Variants in PDE4D observed in about 807,000 individuals in gnomAD.
PDE4D encodes the protein phosphodiesterase 4D.
A neutral mutation model predicts 87.4 loss-of-function variants in PDE4D; 24 were observed. The observed-to-expected ratio is 0.27, with a 90% confidence interval of 0.20 to 0.39. The LOEUF is 0.39. Ranked by LOEUF, PDE4D falls within the 10% of genes least tolerant of loss-of-function variation. The pLI is 1.00. For missense variants in PDE4D, 714 were observed against 1,041.0 expected (o/e 0.69, Z 4.32); for synonymous variants, 384 against 383.2 (o/e 1.00, Z -0.02).
chr5:59,649,904 C>CTTGTTTTTTTTTTTTTTTTTTTTTTTTTT (rs1561402852), intron 1 of PDE4D, among the ~76,000 whole-genome samples: 3 of 73,958 alleles, frequency 4.1e-5, no homozygotes, highest in African/African-American at 1.6e-4. Context: ...AGTTTGTGAA[C>CTTGTTTTTTTTTTTTTTTTTTTTTTTTTT]CTTTTTTTTT....
At chr5:60,486,894 C>T (rs947611234) in intron 1 of PDE4D, among the ~76,000 whole-genome samples, 2 of 152,084 alleles carry the variant, frequency 1.3e-5, no homozygotes, top group African/African-American at 2.4e-5. Context: ...AATGACCTAC[C>T]TTTGTGCTGT....
intron 1 of PDE4D, among the ~76,000 whole-genome samples, chr5:59,536,498 CA>C (rs1815272464): frequency 1.3e-5 from 1 of 75,802 alleles, no homozygotes; most frequent in Admixed American, 2.2e-4. Flanking sequence ...GAGCAAGACT[CA>C]GCCTCAAAAA....
chr5:58,994,923 C>T (rs1490911173), intron 6 of PDE4D, among the ~76,000 whole-genome samples: 8 of 118,920 alleles, frequency 6.7e-5, no homozygotes, highest in African/African-American at 2.6e-4. Context: ...CTCCCCCCAC[C>T]CCACAACAAG....
intron 5 of PDE4D, among the ~76,000 whole-genome samples, chr5:59,043,658 A>T (rs1760094688): frequency 6.6e-6 from 1 of 152,076 alleles, no homozygotes; most frequent in East Asian, 1.9e-4. Flanking sequence ...TGCACCCATT[A>T]ACTCCTCATT....
At chr5:59,275,666 T>A in intron 1 of PDE4D, 1 of 1,172,126 alleles carries the variant, frequency 8.5e-7, no homozygotes, top group South Asian at 3.4e-5. Flanking sequence ...TGTCTTGCAA[T>A]GCCAAGGGAG....
At chr5:59,909,047 A>G (rs1753155767) in intron 3 of PDE4D, among the ~76,000 whole-genome samples, 1 of 152,244 alleles carries the variant, frequency 6.6e-6, no homozygotes, top group African/African-American at 2.4e-5. Flanking sequence ...ATTAACAAAA[A>G]TATCAAATAT....
intron 1 of PDE4D, among the ~76,000 whole-genome samples, chr5:59,490,390 T>C (rs946208186): frequency 6.6e-6 from 1 of 152,204 alleles, no homozygotes; most frequent in African/African-American, 2.4e-5. Flanking sequence ...AATGCTTTCA[T>C]ATGCTTTCAT....
intron 1 of PDE4D, among the ~76,000 whole-genome samples, chr5:60,269,802 C>T (rs1462582035): frequency 2.0e-5 from 3 of 152,124 alleles, no homozygotes; most frequent in Non-Finnish European, 2.9e-5. Context: ...TACAACATCA[C>T]GTTTATACCA....
intron 1 of PDE4D, among the ~76,000 whole-genome samples, chr5:59,322,558 T>C (rs544080821): frequency 6.6e-5 from 10 of 152,250 alleles, no homozygotes; most frequent in South Asian, 2.1e-4. Context: ...CTAGAATCTT[T>C]ATGGCTTATG....
At chr5:59,082,188 T>C (rs1441416274) in intron 5 of PDE4D, among the ~76,000 whole-genome samples, 1 of 152,064 alleles carries the variant, frequency 6.6e-6, no homozygotes, top group Non-Finnish European at 1.5e-5. Context: ...TATTAAAGAG[T>C]TGATAGTAAA....
intron 2 of PDE4D, among the ~76,000 whole-genome samples, chr5:60,031,453 T>A (rs1036680240): frequency 2.6e-5 from 4 of 152,068 alleles, no homozygotes; most frequent in African/African-American, 9.7e-5. Context: ...AATTGGTGAA[T>A]CCTAAATACA....
intron 1 of PDE4D, among the ~76,000 whole-genome samples, chr5:60,470,895 A>G (rs529244670): frequency 6.6e-6 from 1 of 152,338 alleles, no homozygotes; most frequent in Admixed American, 6.5e-5. Flanking sequence ...TGCCTTTAAC[A>G]AAATATTCAT....
intron 1 of PDE4D, among the ~76,000 whole-genome samples, chr5:60,371,166 C>T (rs906298029): frequency 2.6e-5 from 4 of 152,204 alleles, no homozygotes; most frequent in Admixed American, 6.5e-5. Flanking sequence ...TACTCTGTAT[C>T]CACCTTAAAC....
intron 6 of PDE4D, among the ~76,000 whole-genome samples, chr5:59,028,104 A>C (rs1397842215): frequency 6.6e-6 from 1 of 152,190 alleles, no homozygotes; most frequent in Non-Finnish European, 1.5e-5. Context: ...ATTCTTCTGC[A>C]CTGCATTATG....
At chr5:59,673,378 G>A (rs927463183) in intron 1 of PDE4D, among the ~76,000 whole-genome samples, 3 of 152,140 alleles carry the variant, frequency 2.0e-5, no homozygotes, top group African/African-American at 7.2e-5. Context: ...GAAAGCAAAA[G>A]AGACCTTCCG....
intron 1 of PDE4D, among the ~76,000 whole-genome samples, chr5:59,799,206 G>C (rs1766841167): frequency 6.6e-6 from 1 of 152,198 alleles, no homozygotes; most frequent in Non-Finnish European, 1.5e-5. Flanking sequence ...CCCCTGCACT[G>C]TGCAAGTGAA....
intron 7 of PDE4D, 106 bp from the exon 8 acceptor site, chr5:58,992,110 T>C (rs1422640589): frequency 2.4e-5 from 18 of 737,978 alleles, no homozygotes; most frequent in Non-Finnish European, 3.5e-5. Context: ...TTCCAGGAAA[T>C]GTTTCCAACT....
At chr5:60,367,927 G>T (rs894351983) in intron 1 of PDE4D, among the ~76,000 whole-genome samples, 1 of 152,072 alleles carries the variant, frequency 6.6e-6, no homozygotes, top group African/African-American at 2.4e-5. Context: ...GTCCTGTTCT[G>T]CCCTGCCCTC....
At chr5:60,452,561 A>G (rs908911749) in intron 1 of PDE4D, among the ~76,000 whole-genome samples, 1 of 152,102 alleles carries the variant, frequency 6.6e-6, no homozygotes, top group African/African-American at 2.4e-5. Flanking sequence ...CCTGTCCTCA[A>G]AGAGTTTAAA....
Sources: allele counts gnomAD v4.1 joint callset (sites outside exome capture counted in the v4.1 genomes callset), GRCh38; gene constraint gnomAD v4.1.1; transcripts MANE v1.5; gene names NCBI Gene and HGNC (gene_info 2026-07-23, HGNC 2026-07-21).